The following ELMO1 variants were observed in gnomAD, a reference collection of about 807,000 sequenced individuals.
ELMO1 encodes the protein engulfment and cell motility 1, also known as engulfment and cell motility protein 1.
A neutral mutation model predicts 98.9 loss-of-function variants in ELMO1; 26 were observed. The observed-to-expected ratio is 0.26, with a 90% CI of 0.19 to 0.36. The LOEUF (loss-of-function observed/expected upper bound fraction) is 0.36, where lower values mean the gene tolerates loss of function less well. Ranked by LOEUF, ELMO1 falls within the 10% of genes least tolerant of loss-of-function variation. ELMO1 has a pLI of 1.00. For synonymous variants in ELMO1, 346 were observed against 346.0 expected (o/e 1.00, Z 0.00); for missense variants, 627 against 935.2 (o/e 0.67, Z 4.30).
At chr7:37,311,870 T>A (rs1583519869) in intron 4 of ELMO1, among the ~76,000 whole-genome samples, 1 of 152,338 alleles carries the variant, frequency 6.6e-6, no homozygotes, top group East Asian at 1.9e-4. Flanking sequence ...CAGTCCTTTA[T>A]AAACTCAACT....
chr7:37,342,796 T>G lies in ELMO1; in HGVS notation c.-73-33A>C. 9.4e-7 allele frequency: 1 copy of G among 1,058,258 alleles called. No homozygotes were observed. The highest frequency in any genetic ancestry group is 1.4e-6 in the Non-Finnish European group (1 of 721,742). The allele number at this position is 1,058,258 out of a possible 1,614,324, so 65.6% of individuals were successfully genotyped here. ...GGAATGACAGAAAAAGAAAGAGAAGTCACTCAGTGCAGATGCAGGGTGAAT... is the reference window on the plus strand; with the variant it reads ...GGAATGACAGAAAAAGAAAGAGAAGGCACTCAGTGCAGATGCAGGGTGAAT... On this transcript the variant is annotated intron_variant, in intron 1 of 21. Coordinates refer to ENST00000310758, the MANE Select transcript of ELMO1 (RefSeq NM_014800.11). The surrounding 1 kb of genome is among the most constrained non-coding windows in gnomAD (Gnocchi z 4.3).
intron 18 of ELMO1, 75 bp downstream of exon 18, chr7:36,887,485 C>T: frequency 7.2e-7 from 1 of 1,392,470 alleles, no homozygotes; most frequent in Non-Finnish European, 1.0e-6. Flanking sequence ...AAACCAACAC[C>T]ATGCCCTTGT....
Position 36,876,396 on chromosome 7 carries a change from CCTT to C in ELMO1, c.1822+1611_1822+1613del, listed in dbSNP as rs983379617. On this transcript the variant is annotated intron_variant, in intron 19 of 21. Transcript: ENST00000310758. ...AACTTTAGATTTTATTTTTTAATATCCTTTTTTTTTTTTGGCCCAAGTTAAAAG... is the reference window on the plus strand; with the variant it reads ...AACTTTAGATTTTATTTTTTAATATCTTTTTTTTTTGGCCCAAGTTAAAAG... Among the ~76,000 whole-genome samples the C allele has an allele frequency of 3.5e-5, 5 of 141,008 alleles. No homozygotes were observed. The East Asian group carries it at 6.7e-4, about 19-fold the overall frequency. 92.5% of individuals were successfully genotyped at this position (141,008 alleles called of 152,430 possible). A position where few individuals can be genotyped will look rare whatever the true frequency, so the allele number is the denominator to read the frequency against.
chr7:37,203,712 C>A (rs1233225292), intron 13 of ELMO1, among the ~76,000 whole-genome samples: 1 of 152,098 alleles, frequency 6.6e-6, no homozygotes, highest in African/African-American at 2.4e-5. Context: ...GTTTGTCTGG[C>A]AGGCATTAGG....
chr7:37,409,332 C>A (rs192261753), intron 1 of ELMO1, among the ~76,000 whole-genome samples: 24 of 152,312 alleles, frequency 1.6e-4, no homozygotes, highest in African/African-American at 5.8e-4. Flanking sequence ...ATTTCATCGA[C>A]TCCTCTTAGC....
chr7:36,985,578 C>G (rs1022603794), intron 16 of ELMO1, among the ~76,000 whole-genome samples: 1 of 152,082 alleles, frequency 6.6e-6, no homozygotes, highest in Admixed American at 6.5e-5. Context: ...CTCTTCCTAG[C>G]AATACACAGG....
chr7:37,094,473 C>T (rs974969472), intron 15 of ELMO1, among the ~76,000 whole-genome samples: 2 of 152,308 alleles, frequency 1.3e-5, no homozygotes, highest in South Asian at 2.1e-4. Context: ...GCTCTATCCC[C>T]TATTCTGTCC....
At chr7:36,949,135 C>T (rs1331868193) in intron 16 of ELMO1, among the ~76,000 whole-genome samples, 3 of 151,988 alleles carry the variant, frequency 2.0e-5, no homozygotes, top group African/African-American at 7.3e-5. Flanking sequence ...GCATTACAAG[C>T]GTGAGCCACC....
intron 16 of ELMO1, among the ~76,000 whole-genome samples, chr7:37,005,758 C>T (rs1414509028): frequency 1.3e-5 from 2 of 149,808 alleles, no homozygotes; most frequent in African/African-American, 4.9e-5. Context: ...GAGGGAGCAG[C>T]TTGTCCACCT....
rs184156623 is a variant in ELMO1, at chr7:37,054,617, T to A, written c.1301-41182A>T. ...ATGTGAAAATTTTTATCATTTTGTA[T>A]AATCACAATTCAAGGTAAATTTAAA... On this transcript the variant is annotated intron_variant, in intron 15 of 21. Transcript: ENST00000310758. 2.0e-5 allele frequency among the ~76,000 whole-genome samples: 3 copies of A among 152,340 alleles called. No homozygotes were observed. In the East Asian group the frequency reaches 5.8e-4, roughly 29 times the overall value.
intron 1 of ELMO1, among the ~76,000 whole-genome samples, chr7:37,448,314 C>G (rs1324628232): frequency 1.3e-5 from 2 of 151,864 alleles, no homozygotes; most frequent in South Asian, 4.2e-4. Context: ...CCCCCCCTCC[C>G]GCAGACCCTG....
chr7:37,437,797 G>A lies in ELMO1; in HGVS notation c.-74+10878C>T, dbSNP rs1284303940. Among the ~76,000 whole-genome samples, 4 of 44,328 alleles carry A rather than the reference G, an allele frequency of 9.0e-5. 2 individuals are homozygous for A. Among genetic ancestry groups the A allele is most frequent in the Non-Finnish European group, 2.0e-4 (4 of 20,024 alleles). 29.1% of individuals were successfully genotyped at this position (44,328 alleles called of 152,430 possible). A position where few individuals can be genotyped will look rare whatever the true frequency, so the allele number is the denominator to read the frequency against. On this transcript the variant is annotated intron_variant, in intron 1 of 21. Coordinates refer to ENST00000310758, the MANE Select transcript of ELMO1 (RefSeq NM_014800.11). ...ATCCTGGCTAACAAGGTGAAACCCC[G>A]TCTCTACTAAAAAAATACAAAAAAA...
At chr7:37,384,881 T>C (rs1802731021) in intron 1 of ELMO1, among the ~76,000 whole-genome samples, 1 of 152,158 alleles carries the variant, frequency 6.6e-6, no homozygotes, top group Admixed American at 6.6e-5. Flanking sequence ...AAAAAAGACA[T>C]GAGTAAAAAT....
At chr7:37,350,102 C>T (rs113629058) in intron 1 of ELMO1, among the ~76,000 whole-genome samples, 5 of 152,220 alleles carry the variant, frequency 3.3e-5, no homozygotes, top group African/African-American at 1.2e-4. Flanking sequence ...TTCAGGTTCC[C>T]GTATCAGGGA....
intron 16 of ELMO1, among the ~76,000 whole-genome samples, chr7:36,944,551 G>T (rs1373567231): frequency 6.6e-6 from 1 of 152,218 alleles, no homozygotes; most frequent in Non-Finnish European, 1.5e-5. Context: ...TGAGCATCTT[G>T]CTAAGTTCTA....
intron 1 of ELMO1, among the ~76,000 whole-genome samples, chr7:37,368,481 A>G (rs1801988265): frequency 6.6e-6 from 1 of 152,136 alleles, no homozygotes; most frequent in African/African-American, 2.4e-5. Flanking sequence ...TAAGCCTCAG[A>G]ACCAAGGTTT....
At chr7:37,261,458 T>C (rs535743941) in intron 5 of ELMO1, among the ~76,000 whole-genome samples, 1 of 152,154 alleles carries the variant, frequency 6.6e-6, no homozygotes, top group Non-Finnish European at 1.5e-5. Flanking sequence ...AGGTCTGGGG[T>C]GGGGTCCCAA....
intron 14 of ELMO1, among the ~76,000 whole-genome samples, chr7:37,132,718 T>C (rs1251271185): frequency 6.6e-6 from 1 of 152,238 alleles, no homozygotes; most frequent in Non-Finnish European, 1.5e-5. Flanking sequence ...TTTCTCTGCC[T>C]TCCCCATCTC....
At chr7:37,205,947 C>T (rs1228457246) in intron 13 of ELMO1, among the ~76,000 whole-genome samples, 1 of 152,156 alleles carries the variant, frequency 6.6e-6, no homozygotes, top group Non-Finnish European at 1.5e-5. Flanking sequence ...CTCTACTTCC[C>T]TCTCTGCAAC....
Sources: allele counts gnomAD v4.1 joint callset (sites outside exome capture counted in the v4.1 genomes callset), GRCh38; gene constraint gnomAD v4.1.1; non-coding constraint Gnocchi (gnomAD v3.1); transcripts MANE v1.5; gene names NCBI Gene and HGNC (gene_info 2026-07-23, HGNC 2026-07-21).